The following ERBB4 variants were observed in gnomAD, a reference collection of about 807,000 sequenced individuals.
The protein encoded by ERBB4 is erb-b2 receptor tyrosine kinase 4.
ERBB4 carries 42 observed loss-of-function variants against 158.0 expected under a neutral mutation model. The observed-to-expected ratio is 0.27, with a 90% CI of 0.21 to 0.34. The LOEUF is 0.34. Ranked by LOEUF, ERBB4 falls within the 10% of genes least tolerant of loss-of-function variation. ERBB4 has a pLI of 1.00. For synonymous variants in ERBB4, 583 were observed against 558.7 expected, an observed-to-expected ratio of 1.04 and a Z score of -0.61; for missense variants, 1,333 against 1,624.1, an observed-to-expected ratio of 0.82 and a Z score of 3.08.
At chr2:211,918,671 G>T (rs1430720531) in intron 3 of ERBB4, among the ~76,000 whole-genome samples, 3 of 152,046 alleles carry the variant, frequency 2.0e-5, no homozygotes, top group Non-Finnish European at 2.9e-5. Context: ...AGTTAGATTT[G>T]GCCAATGCCA....
chr2:212,021,841 A>T (rs2076658720), intron 2 of ERBB4, among the ~76,000 whole-genome samples: 1 of 150,306 alleles, frequency 6.7e-6, no homozygotes, highest in African/African-American at 2.4e-5. Flanking sequence ...AAGAAAAAAA[A>T]ACATTAAAAA....
At chr2:211,504,892 C>T (rs1466237655) in intron 20 of ERBB4, among the ~76,000 whole-genome samples, 1 of 151,922 alleles carries the variant, frequency 6.6e-6, no homozygotes, top group African/African-American at 2.4e-5. Context: ...ATCAACCCAG[C>T]TAGACAAAAA....
chr2:212,127,991 T>G (rs1425284071), intron 1 of ERBB4, among the ~76,000 whole-genome samples: 2 of 152,160 alleles, frequency 1.3e-5, no homozygotes, highest in Non-Finnish European at 2.9e-5. Flanking sequence ...CACTCTGTGG[T>G]ATGTTGTTAC....
chr2:211,548,637 C>A (rs182056401), intron 20 of ERBB4, among the ~76,000 whole-genome samples: 6 of 151,978 alleles, frequency 3.9e-5, no homozygotes, highest in Admixed American at 2.6e-4. Flanking sequence ...AGTTATGGAT[C>A]CAGGTCTTGG....
At chr2:211,495,409 G>C (rs573323468) in intron 20 of ERBB4, among the ~76,000 whole-genome samples, 62 of 152,148 alleles carry the variant, frequency 4.1e-4, no homozygotes, top group Non-Finnish European at 6.6e-4. Flanking sequence ...TCTTATGAGA[G>C]AGCTGTTAAT....
intron 1 of ERBB4, among the ~76,000 whole-genome samples, chr2:212,226,991 A>T (rs11676942): frequency 0.38 from 58,205 of 152,020 alleles, 12,967 homozygotes; most frequent in East Asian, 0.76. Flanking sequence ...CACGCCTGTA[A>T]TCCTAGCACT....
At chr2:211,680,807 G>A (rs1208090573) in intron 12 of ERBB4, among the ~76,000 whole-genome samples, 1 of 152,138 alleles carries the variant, frequency 6.6e-6, no homozygotes, top group Middle Eastern at 3.2e-3. Flanking sequence ...ATCTCTTTCA[G>A]CATAGTTTAA....
intron 20 of ERBB4, among the ~76,000 whole-genome samples, chr2:211,547,663 T>C (rs1162929968): frequency 6.6e-6 from 1 of 151,902 alleles, no homozygotes; most frequent in Non-Finnish European, 1.5e-5. Context: ...ATACCAAGCC[T>C]CAAAAAGTTA....
At chr2:211,704,397 C>T (rs934325866) in intron 10 of ERBB4, among the ~76,000 whole-genome samples, 1 of 152,080 alleles carries the variant, frequency 6.6e-6, no homozygotes, top group African/African-American at 2.4e-5. Context: ...TATGTTGAAA[C>T]GTTTCAATGA....
At chr2:211,463,851 C>T (rs2064601780) in intron 20 of ERBB4, among the ~76,000 whole-genome samples, 1 of 151,766 alleles carries the variant, frequency 6.6e-6, no homozygotes, top group South Asian at 2.1e-4. Context: ...TGATCTAGTC[C>T]CCATTACCTC....
chr2:211,556,630 A>T (rs1305458981), intron 20 of ERBB4, among the ~76,000 whole-genome samples: 1 of 152,174 alleles, frequency 6.6e-6, no homozygotes, highest in Non-Finnish European at 1.5e-5. Flanking sequence ...ACATAATTGC[A>T]CATAAATACT....
intron 1 of ERBB4, among the ~76,000 whole-genome samples, chr2:212,140,885 G>A (rs977158646): frequency 6.7e-6 from 1 of 148,832 alleles, no homozygotes; most frequent in African/African-American, 2.5e-5. Flanking sequence ...GTGTGTGTGT[G>A]TGTAGAGGGG....
At chr2:211,944,380 T>C (rs757544530) in intron 3 of ERBB4, among the ~76,000 whole-genome samples, 2 of 151,470 alleles carry the variant, frequency 1.3e-5, no homozygotes, top group Non-Finnish European at 2.9e-5. Flanking sequence ...CGAATTATTA[T>C]TGTCTTTTTA....
At chr2:212,122,700 G>A (rs1278095547) in intron 2 of ERBB4, among the ~76,000 whole-genome samples, 1 of 151,820 alleles carries the variant, frequency 6.6e-6, no homozygotes, top group East Asian at 1.9e-4. Flanking sequence ...CTTTCATATT[G>A]CTAAAGGTTA....
At chr2:211,710,972 G>A (rs2106076468) in intron 9 of ERBB4, among the ~76,000 whole-genome samples, 1 of 151,458 alleles carries the variant, frequency 6.6e-6, no homozygotes, top group African/African-American at 2.4e-5. Context: ...ACAAATTGTT[G>A]CCATGTAGGA....
intron 4 of ERBB4, chr2:211,779,318 G>C (rs957913821): frequency 1.3e-5 from 2 of 152,138 alleles, no homozygotes; most frequent in African/African-American, 4.8e-5. Flanking sequence ...TTCATCACTA[G>C]ATATTACCTT....
chr2:212,405,871 G>T (rs1014457719), intron 1 of ERBB4, among the ~76,000 whole-genome samples: 5 of 152,044 alleles, frequency 3.3e-5, no homozygotes, highest in African/African-American at 1.2e-4. Context: ...ATACAACACT[G>T]ATGTAAATCA....
intron 1 of ERBB4, among the ~76,000 whole-genome samples, chr2:212,209,034 A>G (rs1019189616): frequency 1.3e-5 from 2 of 152,150 alleles, no homozygotes; most frequent in Non-Finnish European, 2.9e-5. Context: ...AACATACAAG[A>G]AAAGATGTAG....
intron 1 of ERBB4, among the ~76,000 whole-genome samples, chr2:212,400,448 A>C (rs1318814430): frequency 6.6e-6 from 1 of 152,148 alleles, no homozygotes; most frequent in Non-Finnish European, 1.5e-5. Context: ...TTGGAGCCCC[A>C]TATCTTTATT....
Sources: allele counts gnomAD v4.1 joint callset (sites outside exome capture counted in the v4.1 genomes callset), GRCh38; gene constraint gnomAD v4.1.1; transcripts MANE v1.5; gene names NCBI Gene and HGNC (gene_info 2026-07-23, HGNC 2026-07-21).